ASIC2: variants seen among roughly 807,000 people sequenced by gnomAD.
ASIC2 encodes acid-sensing ion channel 2.
Under a neutral mutation model 57.3 loss-of-function variants are expected in ASIC2, and 25 were observed. The ratio of observed to expected loss-of-function variants is 0.44; its 90% CI spans 0.32 to 0.61. The LOEUF (loss-of-function observed/expected upper bound fraction) is 0.61, where lower values mean the gene tolerates loss of function less well. ASIC2 is among the 20% of genes least tolerant of loss of function. The pLI is 0.06. For missense variants in ASIC2, 641 were observed against 738.1 expected, an observed-to-expected ratio of 0.87 and a Z score of 1.52; for synonymous variants, 319 against 307.5, an observed-to-expected ratio of 1.04 and a Z score of -0.39.
chr17:33,327,087 A>T (rs1242558377), intron 1 of ASIC2, among the ~76,000 whole-genome samples: 1 of 152,186 alleles, frequency 6.6e-6, no homozygotes, highest in Non-Finnish European at 1.5e-5. Context: ...GCTATTCAAC[A>T]GGGAGCCTTC....
At chr17:33,909,796 T>C (rs1241108881) in intron 1 of ASIC2, among the ~76,000 whole-genome samples, 2 of 152,224 alleles carry the variant, frequency 1.3e-5, no homozygotes, top group African/African-American at 4.8e-5. Context: ...TTTGAGAGCC[T>C]ATACCCTAAT....
At chr17:33,156,842 C>T (rs946419883) in intron 1 of ASIC2, among the ~76,000 whole-genome samples, 20 of 152,106 alleles carry the variant, frequency 1.3e-4, no homozygotes, top group African/African-American at 2.2e-4. Flanking sequence ...ACTGGGGAGA[C>T]GGGAGGAAGG....
At chr17:33,771,613 G>A (rs903678051) in intron 1 of ASIC2, among the ~76,000 whole-genome samples, 1 of 152,064 alleles carries the variant, frequency 6.6e-6, no homozygotes, top group Non-Finnish European at 1.5e-5. Context: ...GGAGTTTCTG[G>A]CACAGGCCTG....
At chr17:33,863,878 A>G (rs1914159685) in intron 1 of ASIC2, among the ~76,000 whole-genome samples, 1 of 150,348 alleles carries the variant, frequency 6.7e-6, no homozygotes, top group Admixed American at 6.7e-5. Context: ...TCACTTTTAC[A>G]TTTACAGTTA....
chr17:33,922,556 A>T (rs1484318201), intron 1 of ASIC2, among the ~76,000 whole-genome samples: 1 of 152,222 alleles, frequency 6.6e-6, no homozygotes, highest in African/African-American at 2.4e-5. Context: ...GGAGAGAGAC[A>T]TGGATATGTT....
At chr17:33,587,899 C>T (rs1785191246) in intron 1 of ASIC2, among the ~76,000 whole-genome samples, 3 of 152,180 alleles carry the variant, frequency 2.0e-5, no homozygotes, top group Admixed American at 2.0e-4. Context: ...CGCTCCCAGC[C>T]TTGACCATGT....
At chr17:33,809,567 G>A (rs1176517897) in intron 1 of ASIC2, among the ~76,000 whole-genome samples, 1 of 152,196 alleles carries the variant, frequency 6.6e-6, no homozygotes, top group Non-Finnish European at 1.5e-5. Context: ...TTTCTTGTGT[G>A]TAAACTGATA....
intron 1 of ASIC2, among the ~76,000 whole-genome samples, chr17:33,198,085 C>T (rs1426727045): frequency 6.6e-6 from 1 of 152,168 alleles, no homozygotes; most frequent in African/African-American, 2.4e-5. Flanking sequence ...TGTGGTGGCT[C>T]ATGCCTGTAA....
At chr17:33,147,784 C>T (rs1482632409) in intron 1 of ASIC2, among the ~76,000 whole-genome samples, 1 of 152,204 alleles carries the variant, frequency 6.6e-6, no homozygotes, top group African/African-American at 2.4e-5. Flanking sequence ...GACCGTGGCA[C>T]ATCCATCACT....
At chr17:34,143,720 C>T (rs991037470) in intron 1 of ASIC2, among the ~76,000 whole-genome samples, 3 of 152,158 alleles carry the variant, frequency 2.0e-5, no homozygotes, top group Admixed American at 2.0e-4. Flanking sequence ...TGAAACTTTG[C>T]CTTTTCAGGG....
At chr17:33,632,707 C>A (rs1370776358) in intron 1 of ASIC2, among the ~76,000 whole-genome samples, 1 of 152,218 alleles carries the variant, frequency 6.6e-6, no homozygotes, top group East Asian at 1.9e-4. Flanking sequence ...GCAAAGATTA[C>A]AGATGTGAAC....
chr17:33,469,568 T>C (rs558490964), intron 1 of ASIC2, among the ~76,000 whole-genome samples: 1 of 152,112 alleles, frequency 6.6e-6, no homozygotes, highest in African/African-American at 2.4e-5. Flanking sequence ...ATGGACCCTC[T>C]GGAGCCAGCA....
chr17:34,029,427 T>G (rs1248234885), intron 1 of ASIC2, among the ~76,000 whole-genome samples: 1 of 151,874 alleles, frequency 6.6e-6, no homozygotes, highest in African/African-American at 2.4e-5. Context: ...CTCACTACCT[T>G]CTAAGTGGGT....
chr17:33,451,992 G>A (rs1219693857), intron 1 of ASIC2, among the ~76,000 whole-genome samples: 1 of 152,156 alleles, frequency 6.6e-6, no homozygotes, highest in Non-Finnish European at 1.5e-5. Flanking sequence ...TATGCACGCA[G>A]TACACATTCA....
chr17:33,424,633 T>C (rs1911155276), intron 1 of ASIC2, among the ~76,000 whole-genome samples: 1 of 152,208 alleles, frequency 6.6e-6, no homozygotes, highest in Admixed American at 6.5e-5. Context: ...AAGGGCACAA[T>C]GAGTGCTGGC....
intron 1 of ASIC2, among the ~76,000 whole-genome samples, chr17:33,702,093 G>A (rs993647313): frequency 5.3e-5 from 8 of 152,178 alleles, no homozygotes; most frequent in African/African-American, 1.9e-4. Context: ...TCTTCAATGT[G>A]ACGTCACAGA....
At chr17:33,166,502 G>T (rs1398745268) in intron 1 of ASIC2, among the ~76,000 whole-genome samples, 8 of 152,148 alleles carry the variant, frequency 5.3e-5, no homozygotes, top group Admixed American at 3.3e-4. Context: ...AGAAATGTTT[G>T]GTCCCACCTT....
intron 1 of ASIC2, among the ~76,000 whole-genome samples, chr17:33,630,266 T>C (rs539178548): frequency 6.6e-6 from 1 of 152,192 alleles, no homozygotes; most frequent in Non-Finnish European, 1.5e-5. Flanking sequence ...GGTCGCATGC[T>C]GACAGTTCCT....
intron 1 of ASIC2, among the ~76,000 whole-genome samples, chr17:33,815,313 G>A (rs139099469): frequency 4.1e-4 from 62 of 152,298 alleles, no homozygotes; most frequent in African/African-American, 1.4e-3. Flanking sequence ...TAGTTCACAC[G>A]CTCTGGTTGG....
Sources: allele counts gnomAD v4.1 joint callset (sites outside exome capture counted in the v4.1 genomes callset), GRCh38; gene constraint gnomAD v4.1.1; transcripts MANE v1.5; gene names NCBI Gene and HGNC (gene_info 2026-07-23, HGNC 2026-07-21).